Variants in BCAR3 observed in about 807,000 individuals in gnomAD.
BCAR3 encodes BCAR3 adaptor protein, NSP family member.
Under a neutral mutation model 80.1 loss-of-function variants are expected in BCAR3, and 37 were observed. That is an observed-to-expected ratio of 0.46 (90% confidence interval 0.36 to 0.61). The LOEUF (loss-of-function observed/expected upper bound fraction) is 0.61. Ranked by LOEUF, BCAR3 falls within the 20% of genes least tolerant of loss-of-function variation. BCAR3 has a pLI of 0.00. For missense variants in BCAR3, 978 were observed against 1,068.2 expected (o/e 0.92, Z 1.18); for synonymous variants, 389 against 418.9 (o/e 0.93, Z 0.87).
intron 2 of BCAR3, among the ~76,000 whole-genome samples, chr1:93,660,128 C>G (rs1647584168): frequency 6.6e-6 from 1 of 151,976 alleles, no homozygotes; most frequent in Admixed American, 6.6e-5. Context: ...CCACTACACT[C>G]TATGAGTTCA....
chr1:93,583,125 T>C (rs1476081039), intron 6 of BCAR3, among the ~76,000 whole-genome samples, 172 bp from the exon 7 acceptor site: 1 of 151,598 alleles, frequency 6.6e-6, no homozygotes, highest in African/African-American at 2.4e-5. Flanking sequence ...TCTCAGGGAG[T>C]CTACAGCATC....
chr1:93,734,747 A>G (rs544162933), intron 2 of BCAR3, among the ~76,000 whole-genome samples: 1 of 152,310 alleles, frequency 6.6e-6, no homozygotes, highest in Admixed American at 6.5e-5. Context: ...TACTGGGCCA[A>G]TCAGAAGGGG....
At chr1:93,617,805 C>T (rs1320354762) in intron 3 of BCAR3, among the ~76,000 whole-genome samples, 4 of 152,200 alleles carry the variant, frequency 2.6e-5, no homozygotes, top group African/African-American at 4.8e-5. Flanking sequence ...CCACTCAGCA[C>T]CAGCCTGGCG....
At chr1:93,616,840 G>T (rs900937514) in intron 3 of BCAR3, among the ~76,000 whole-genome samples, 1 of 152,216 alleles carries the variant, frequency 6.6e-6, no homozygotes, top group African/African-American at 2.4e-5. Flanking sequence ...TCTGGAAAAG[G>T]TCCTACAGGG....
chr1:93,592,262 T>A lies in BCAR3; in HGVS notation c.486+3A>T. On this transcript the variant is annotated splice_donor_region_variant and intron_variant, in intron 4 of 11. Transcript: ENST00000260502. This position sits in a 1 kb window ranked among gnomAD's most constrained non-coding sequence, Gnocchi z 4.8. ...ATGCTCTGGAAGGGACAAGACCAGGTACCTGTCGGGGGATGCGGCCGTGGT... is the reference window on the plus strand; with the variant it reads ...ATGCTCTGGAAGGGACAAGACCAGGAACCTGTCGGGGGATGCGGCCGTGGT... 1 of 1,613,514 alleles carries A rather than the reference T, an allele frequency of 6.2e-7. No individual in the cohort carries two copies. The highest frequency in any genetic ancestry group is 8.5e-7 in the Non-Finnish European group (1 of 1,180,014).
rs369665872 is a variant in BCAR3 at position 93,571,825 on chromosome 1, T to C, written c.1819A>G (p.Ile607Val). ...CCCAGAATGTCCACTGCAATGCCGATGGCCATTGTGTTGTGTCTGAAAGCC... is the reference window on the plus strand; with the variant it reads ...CCCAGAATGTCCACTGCAATGCCGACGGCCATTGTGTTGTGTCTGAAAGCC... ...DIIERHNTMA[I>V]GIAVDILGCT... Residue 607 changes from isoleucine to valine, a missense_variant, in exon 9 of 12, where the codon ATC becomes GTC. Physicochemically the swap from Ile to Val is conservative, Grantham distance 29. Coordinates refer to ENST00000260502, the MANE Select transcript of BCAR3 (RefSeq NM_003567.4). 3 of 1,613,706 alleles carry C rather than the reference T, an allele frequency of 1.9e-6. No individual in the cohort carries two copies. Among genetic ancestry groups the C allele is most frequent in the African/African-American group, 2.7e-5 (2 of 74,928 alleles).
At chr1:93,587,737 G>A (rs1447368771) in intron 5 of BCAR3, among the ~76,000 whole-genome samples, 1 of 151,088 alleles carries the variant, frequency 6.6e-6, no homozygotes. Context: ...AAAATATGTT[G>A]GTTTACGTGC....
chr1:93,685,795 T>C (rs979362865), upstream of BCAR3, among the ~76,000 whole-genome samples: 1 of 152,216 alleles, frequency 6.6e-6, no homozygotes, highest in African/African-American at 2.4e-5. Context: ...AAGGTGTTAT[T>C]AATAACCCCT....
intron 8 of BCAR3, among the ~76,000 whole-genome samples, chr1:93,572,261 C>G (rs987113668): frequency 6.6e-6 from 1 of 152,158 alleles, no homozygotes; most frequent in Non-Finnish European, 1.5e-5. Flanking sequence ...TCCACTGAGC[C>G]CCCTGGATTT....
chr1:93,589,541 A>G (rs1674088040), intron 4 of BCAR3, 122 bp from the exon 5 acceptor site: 1 of 848,082 alleles, frequency 1.2e-6, no homozygotes, highest in Non-Finnish European at 1.8e-6. Context: ...TTCTTGGGTC[A>G]GCTCTTTAGT....
At chr1:93,625,788 A>G (rs1179800852) in intron 3 of BCAR3, among the ~76,000 whole-genome samples, 2 of 152,206 alleles carry the variant, frequency 1.3e-5, no homozygotes, top group African/African-American at 2.4e-5. Flanking sequence ...ATTCACATAA[A>G]GGATGGATGG....
rs117830925 is a variant in BCAR3, at chr1:93,728,228, G to A, written c.-62-22086C>T. Among the ~76,000 whole-genome samples the A allele has an allele frequency of 3.2e-4, 49 of 152,244 alleles. No individual in the cohort carries two copies. In the East Asian group the frequency reaches 5.8e-3, roughly 18 times the overall value. Reference sequence around the variant, plus strand: ...AATGAGAAATTCCTTTGTCCCCCTCGCAGGGCGTGTGACAGGGGGAGTGGC... The same window carrying A: ...AATGAGAAATTCCTTTGTCCCCCTCACAGGGCGTGTGACAGGGGGAGTGGC... On this transcript the variant is annotated intron_variant, in intron 2 of 13. Coordinates refer to the BCAR3 transcript ENST00000370244.
In BCAR3 at chr1:93,573,639, T is replaced by TATTATCA. The variant is rs373537051; in HGVS notation, c.1803-1799_1803-1798insTGATAAT. 2.2e-5 allele frequency among the ~76,000 whole-genome samples: 3 copies of TATTATCA among 139,058 alleles called. No individual in the cohort carries two copies. In the East Asian group the frequency reaches 6.0e-4, roughly 28 times the overall value. 91.2% of individuals were successfully genotyped at this position (139,058 alleles called of 152,430 possible). ...TATTATTATTATTATTATTATTTTT[T>TATTATCA]TTTTTTTGAGACAGGGTTTTGCTCT... On this transcript the variant is annotated intron_variant, in intron 8 of 11. Transcript: ENST00000260502.
chr1:93,808,435 A>G (rs1345542398), intron 2 of BCAR3, among the ~76,000 whole-genome samples: 2 of 152,250 alleles, frequency 1.3e-5, no homozygotes, highest in African/African-American at 4.8e-5. Flanking sequence ...AGGCATTTTC[A>G]GATATGAAAG....
intron 3 of BCAR3, among the ~76,000 whole-genome samples, chr1:93,625,652 T>C (rs1310564827): frequency 1.3e-5 from 2 of 152,228 alleles, no homozygotes; most frequent in East Asian, 1.9e-4. Flanking sequence ...TCCTGCAGCC[T>C]GGACACTGAG....
At chr1:93,815,923 C>T (rs1225657266) in intron 2 of BCAR3, among the ~76,000 whole-genome samples, 2 of 152,186 alleles carry the variant, frequency 1.3e-5, no homozygotes, top group Non-Finnish European at 2.9e-5. Flanking sequence ...CTGATTCACA[C>T]CTTCCCTGAT....
chr1:93,685,229 T>A (rs965877993), upstream of BCAR3, among the ~76,000 whole-genome samples: 2 of 152,230 alleles, frequency 1.3e-5, no homozygotes, highest in African/African-American at 4.8e-5. Flanking sequence ...AACTATATAA[T>A]AAGGTATCCT....
intron 3 of BCAR3, among the ~76,000 whole-genome samples, chr1:93,617,559 C>T (rs1675166707): frequency 6.6e-6 from 1 of 152,202 alleles, no homozygotes; most frequent in South Asian, 2.1e-4. Context: ...GGGTGAACAC[C>T]AGTAATCGTG....
chr1:93,602,563 T>A (rs978770073), intron 3 of BCAR3: 1 of 152,226 alleles, frequency 6.6e-6, no homozygotes, highest in Non-Finnish European at 1.5e-5. Context: ...GTCTTACAAG[T>A]AAATCCAACC....
Sources: gnomAD v4.1 joint callset for allele counts (sites outside exome capture counted in the v4.1 genomes callset) on GRCh38, gnomAD v4.1.1 for gene constraint, Gnocchi (gnomAD v3.1) non-coding constraint, MANE v1.5 for transcripts, NCBI Gene and HGNC (gene_info 2026-07-23, HGNC 2026-07-21) for gene names.